Variants in DDRGK1 observed in about 807,000 individuals in gnomAD.
The protein encoded by DDRGK1 is DDRGK domain-containing protein 1.
Under a neutral mutation model 45.8 loss-of-function variants are expected in DDRGK1, and 38 were observed. The ratio of observed to expected loss-of-function variants is 0.83; its 90% CI spans 0.64 to 1.09. The LOEUF is 1.09. Ranked by LOEUF, DDRGK1 falls within the 50% of genes least tolerant of loss-of-function variation. The pLI is 0.00. For synonymous variants in DDRGK1, 171 were observed against 168.7 expected (o/e 1.01, Z -0.11); for missense variants, 403 against 419.9 (o/e 0.96, Z 0.35).
chr20:3,200,984 C>T (rs1036572730), intron 2 of DDRGK1, among the ~76,000 whole-genome samples: 22 of 152,102 alleles, frequency 1.4e-4, no homozygotes, highest in African/African-American at 4.3e-4. Context: ...GTGGCGGGCA[C>T]CTGTAGTCCC....
At chr20:3,203,598 CG>C in intron 1 of DDRGK1, among the ~76,000 whole-genome samples, 182 bp from the exon 2 acceptor site, 1 of 152,346 alleles carries the variant, frequency 6.6e-6, no homozygotes, top group East Asian at 1.9e-4. Context: ...TGGTCCCAGG[CG>C]GGGGCTCAGC....
intron 2 of DDRGK1, 47 bp downstream of exon 2, chr20:3,203,166 C>T: frequency 2.0e-6 from 3 of 1,468,432 alleles, no homozygotes; most frequent in East Asian, 2.4e-5. Flanking sequence ...CCTTTTATCC[C>T]CCCCTCCAAC....
chr20:3,196,120 G>A (rs2067008777), intron 4 of DDRGK1, among the ~76,000 whole-genome samples: 2 of 152,020 alleles, frequency 1.3e-5, no homozygotes, highest in South Asian at 2.1e-4. Flanking sequence ...ACACACAACG[G>A]TCCATGTGAC....
chr20:3,194,419 T>C (rs1001657255), intron 6 of DDRGK1, among the ~76,000 whole-genome samples: 3 of 152,220 alleles, frequency 2.0e-5, no homozygotes, highest in African/African-American at 7.2e-5. Flanking sequence ...AACACCATCC[T>C]GTTCCCCCTG....
intron 4 of DDRGK1, among the ~76,000 whole-genome samples, chr20:3,197,499 T>C (rs948321423): frequency 6.6e-6 from 1 of 152,182 alleles, no homozygotes; most frequent in East Asian, 1.9e-4. Context: ...ACTTGCATAT[T>C]TGGTATGTTG....
At chr20:3,193,660 C>G (rs1452563044) in intron 6 of DDRGK1, among the ~76,000 whole-genome samples, 3 of 152,190 alleles carry the variant, frequency 2.0e-5, no homozygotes, top group Non-Finnish European at 2.9e-5. Flanking sequence ...CGTGAGCCAC[C>G]ATGCCCGGAC....
At chr20:3,195,048 G>A (rs2295550) in intron 5 of DDRGK1, among the ~76,000 whole-genome samples, 180 bp from the exon 6 acceptor site, 64,134 of 152,098 alleles carry the variant, frequency 0.42, 13,647 homozygotes, top group Middle Eastern at 0.48. Flanking sequence ...CAGGGTGAGA[G>A]TTTCGGAGGC....
chr20:3,190,487 C>T lies in DDRGK1; in HGVS notation c.*166G>A. 1 of 840,496 alleles carries T rather than the reference C, an allele frequency of 1.2e-6. No individual in the cohort carries two copies. The highest frequency in any genetic ancestry group is 1.8e-6 in the Non-Finnish European group (1 of 544,128). 52.1% of individuals were successfully genotyped at this position (840,496 alleles called of 1,614,324 possible). A position where few individuals can be genotyped will look rare whatever the true frequency, so the allele number is the denominator to read the frequency against. Reference sequence around the variant, plus strand: ...TCACCTGCTTATCTAGGATCCTAGGCCAGGCCTTCTGCCACACCAAGCCAC... The same window carrying T: ...TCACCTGCTTATCTAGGATCCTAGGTCAGGCCTTCTGCCACACCAAGCCAC... On this transcript the variant is annotated 3_prime_UTR_variant, in exon 9 of 9. Coordinates refer to ENST00000354488, the MANE Select transcript of DDRGK1 (RefSeq NM_023935.3).
intron 2 of DDRGK1, 67 bp downstream of exon 2, chr20:3,203,146 C>T (rs2067048171): frequency 1.4e-6 from 2 of 1,400,916 alleles, no homozygotes; most frequent in East Asian, 5.1e-5. Flanking sequence ...CCCCACTTAG[C>T]TTTGGGGGCC....
chr20:3,195,204 G>A (rs200635003), intron 5 of DDRGK1, 27 bp downstream of exon 5: 219 of 1,613,972 alleles, frequency 1.4e-4, no homozygotes, highest in Non-Finnish European at 1.7e-4. Context: ...GGTGCAGAGA[G>A]GGGCTTCCCA....
rs573155678 is a variant in DDRGK1 at position 3,194,934 on chromosome 20, C to A, written c.634-66G>T. ...GCCCACAGGGTTCTGTACCCATTCA[C>A]CCAAGTACCACCTGCTCACTTGAGG... On this transcript the variant is annotated intron_variant, in intron 5 of 8. Transcript: ENST00000354488. 6 of 1,591,344 alleles carry A rather than the reference C, an allele frequency of 3.8e-6. No homozygotes were observed. In the East Asian group the frequency reaches 1.4e-4, roughly 36 times the overall value.
chr20:3,200,012 C>A lies in DDRGK1; in HGVS notation c.499G>T (p.Glu167Ter). ...KKEEERLRLE[E>*]EQKEEEERKA... ...GGGGCTGGCCTCACCTTCTGCTCCT[C>A]CTCCAGGCGAAGCCGCTCCTCCTCC... Residue 167 changes from glutamate (E) to a stop codon, truncating the protein, a stop_gained, in exon 4 of 9, where the codon GAG becomes TAG. Coordinates refer to ENST00000354488, the MANE Select transcript of DDRGK1 (RefSeq NM_023935.3). LOFTEE classifies it high-confidence loss of function. The A allele has an allele frequency of 6.2e-7, 1 of 1,611,768 alleles. No homozygotes were observed. The highest frequency in any genetic ancestry group is 8.5e-7 in the Non-Finnish European group (1 of 1,179,160).
intron 4 of DDRGK1, among the ~76,000 whole-genome samples, chr20:3,198,053 G>A (rs1203431931): frequency 6.9e-6 from 1 of 144,736 alleles, no homozygotes; most frequent in African/African-American, 2.6e-5. Context: ...GAGTTTGAAG[G>A]TGCAGTGAGC....
At position 3,194,380 on chromosome 20, in the gene DDRGK1, A is replaced by G. The variant is rs557900905; in HGVS notation, c.672+450T>C. On this transcript the variant is annotated intron_variant, in intron 6 of 8. Coordinates refer to ENST00000354488, the MANE Select transcript of DDRGK1 (RefSeq NM_023935.3). ...AGTGGCTGCGGACAGAAGGGGACAC[A>G]CTGCCGCCCCACCCTAAACTCCAAA... Among the ~76,000 whole-genome samples, 213 of 152,296 alleles carry G rather than the reference A, an allele frequency of 1.4e-3. 2 individuals are homozygous for G. Among genetic ancestry groups the G allele is most frequent in the African/African-American group, 4.9e-3 (205 of 41,556 alleles).
At chr20:3,191,715 C>T in intron 7 of DDRGK1, 50 bp downstream of exon 7, 2 of 1,564,180 alleles carry the variant, frequency 1.3e-6, no homozygotes, top group Non-Finnish European at 1.7e-6. Context: ...CTCTGCTAGC[C>T]ACAGACCCCT....
At chr20:3,196,510 C>T (rs138977728) in intron 4 of DDRGK1, among the ~76,000 whole-genome samples, 1,053 of 75,496 alleles carry the variant, frequency 0.014, 27 homozygotes, top group East Asian at 0.096. Flanking sequence ...ACCCTGTCTC[C>T]ACTAAAAATA....
intron 6 of DDRGK1, among the ~76,000 whole-genome samples, chr20:3,193,892 G>T (rs994327316): frequency 6.6e-6 from 1 of 152,122 alleles, no homozygotes; most frequent in Non-Finnish European, 1.5e-5. Flanking sequence ...GGTAGGTGGG[G>T]ACAAGTTCCA....
intron 4 of DDRGK1, among the ~76,000 whole-genome samples, chr20:3,198,826 T>C (rs2067023538): frequency 7.4e-6 from 1 of 135,416 alleles, no homozygotes; most frequent in Non-Finnish European, 1.6e-5. Flanking sequence ...AGAAAAAGGA[T>C]ACTGGGAAAA....
rs970870193 is a variant in DDRGK1, at chr20:3,203,258, C to T, written c.250G>A (p.Ala84Thr). Residue 84 changes from alanine to threonine, a missense_variant, in exon 2 of 9, where the codon GCC becomes ACC. By Grantham distance (58) the Ala-to-Thr change is moderately conservative. Transcript: ENST00000354488. ...LQAQRRAQRV[A>T]WAEADENEEE... ...TCGTTCTCATCTGCTTCTGCCCAGG[C>T]CACCCGCTGGGCTCGACGCTGGGCC... is the stretch of plus-strand genomic sequence containing the variant. 1.2e-6 allele frequency: 2 copies of T among 1,605,606 alleles called. No homozygotes were observed. Among genetic ancestry groups the T allele is most frequent in the Non-Finnish European group, 1.7e-6 (2 of 1,175,168 alleles).
Sources: allele counts gnomAD v4.1 joint callset (sites outside exome capture counted in the v4.1 genomes callset), GRCh38; gene constraint gnomAD v4.1.1; transcripts MANE v1.5; gene names NCBI Gene and HGNC (gene_info 2026-07-23, HGNC 2026-07-21).